Variants in ZSCAN5C observed in about 807,000 individuals in gnomAD.
ZSCAN5C encodes the protein zinc finger and SCAN domain containing 5C.
A neutral mutation model predicts 17.3 loss-of-function variants in ZSCAN5C; 11 were observed. The observed-to-expected ratio is 0.64, with a 90% CI of 0.40 to 1.06. The LOEUF (loss-of-function observed/expected upper bound fraction) is 1.06. Ranked by LOEUF, ZSCAN5C falls within the 50% of genes least tolerant of loss-of-function variation. The pLI, the probability that ZSCAN5C is intolerant of heterozygous loss-of-function variation, is 0.00. For missense variants in ZSCAN5C, 698 were observed against 538.9 expected (o/e 1.30, Z -2.92); for synonymous variants, 229 against 208.4 (o/e 1.10, Z -0.85).
downstream of ZSCAN5C, chr19:56,209,204 CACCA>C: frequency 2.7e-6 from 2 of 741,768 alleles, no homozygotes; most frequent in Non-Finnish European, 2.4e-6. Flanking sequence ...ACAGTGACTT[CACCA>C]TCGGGTCTGT....
At chr19:56,204,245 G>A (rs1039889484) in intron 1 of ZSCAN5C, among the ~76,000 whole-genome samples, 1 of 150,432 alleles carries the variant, frequency 6.6e-6, no homozygotes, top group Non-Finnish European at 1.5e-5. Context: ...GAGCGGGATT[G>A]CCGGCTCATG....
At chr19:56,207,616 G>T (rs1435549827) in intron 3 of ZSCAN5C, among the ~76,000 whole-genome samples, 2 of 151,844 alleles carry the variant, frequency 1.3e-5, no homozygotes, top group African/African-American at 4.9e-5. Context: ...CCTACAGATT[G>T]TCAATTTCTT....
downstream of ZSCAN5C, chr19:56,209,306 G>A (rs575647937): frequency 8.4e-4 from 496 of 591,308 alleles, 8 homozygotes; most frequent in African/African-American, 7.9e-3. Flanking sequence ...GCACGCAGAG[G>A]AGTGCCCTAG....
At chr19:56,205,675 C>T (rs2032912166) in intron 1 of ZSCAN5C, 112 bp from the exon 2 acceptor site, 1 of 498,896 alleles carries the variant, frequency 2.0e-6, no homozygotes, top group Admixed American at 3.4e-5. Flanking sequence ...TTCCACGGTG[C>T]TGAGTCCAAT....
chr19:56,203,128 G>A (rs2032888103), intron 1 of ZSCAN5C, among the ~76,000 whole-genome samples: 3 of 151,782 alleles, frequency 2.0e-5, no homozygotes. Flanking sequence ...TTTAGAGACA[G>A]GCTCTCACTA....
At position 56,208,394 on chromosome 19, in the gene ZSCAN5C, T is replaced by C. The variant is rs1039927262; in HGVS notation, c.740-55T>C. On this transcript the variant is annotated intron_variant, in intron 4 of 4. Coordinates refer to ENST00000534327, the Ensembl canonical transcript of ZSCAN5C. ...ACATCAGTGTTTGGTTGCAATGAGT[T>C]TGGTGTATTGAAAATGCACCTTATT... 4 of 1,088,908 alleles carry C rather than the reference T, an allele frequency of 3.7e-6. No individual in the cohort carries two copies. In the African/African-American group the frequency reaches 6.4e-5, roughly 17 times the overall value. 67.5% of individuals were successfully genotyped at this position (1,088,908 alleles called of 1,614,324 possible).
downstream of ZSCAN5C, chr19:56,209,300 G>T (rs555699278): frequency 5.0e-6 from 3 of 595,544 alleles, no homozygotes; most frequent in Admixed American, 3.1e-5. Flanking sequence ...CGCCTGGCAC[G>T]CAGAGGAGTG....
At position 56,206,301 on chromosome 19, in the gene ZSCAN5C, A is replaced by C. The variant is rs748290656; in HGVS notation, c.384+4A>C. On this transcript the variant is annotated splice_donor_region_variant and intron_variant, in intron 2 of 4. Transcript: ENST00000534327. ...TAACAGAAGACCCAAGAAATGGGTG[A>C]GTGGGACCCTCGTGATTGGTGCAGG... 4.0e-6 allele frequency: 6 copies of C among 1,511,622 alleles called. No individual in the cohort carries two copies. The highest frequency in any genetic ancestry group is 5.3e-6 in the Non-Finnish European group (6 of 1,123,036). 93.6% of individuals were successfully genotyped at this position (1,511,622 alleles called of 1,614,324 possible).
exon 2 of ZSCAN5C, chr19:56,206,131 T>G: frequency 6.2e-7 from 1 of 1,604,068 alleles, no homozygotes; most frequent in South Asian, 1.1e-5. Context: ...CATCTGTGGC[T>G]GAGGCCCGAC....
At chr19:56,204,446 T>C (rs933617838) in intron 1 of ZSCAN5C, among the ~76,000 whole-genome samples, 12 of 151,620 alleles carry the variant, frequency 7.9e-5, no homozygotes, top group African/African-American at 2.7e-4. Context: ...TGGATTTGCA[T>C]GTCCCTGATG....
At chr19:56,207,367 C>T (rs117379843) in intron 3 of ZSCAN5C, 105 bp downstream of exon 3, 11 of 607,036 alleles carry the variant, frequency 1.8e-5, no homozygotes, top group Middle Eastern at 3.5e-4. Flanking sequence ...GACAAGATTA[C>T]AGCCATTCCC....
intron 1 of ZSCAN5C, 68 bp from the exon 2 acceptor site, chr19:56,205,719 A>T (rs2032912555): frequency 1.8e-6 from 1 of 556,826 alleles, no homozygotes; most frequent in East Asian, 2.9e-5. Context: ...GATTGGGATG[A>T]GGGATTTGGA....
chr19:56,207,556 C>T lies in ZSCAN5C; in HGVS notation c.588+294C>T, dbSNP rs544586911. 2.8e-3 allele frequency among the ~76,000 whole-genome samples: 423 copies of T among 151,884 alleles called. 5 individuals carry two copies. The highest frequency in any genetic ancestry group is 0.024 in the Middle Eastern group (7 of 294). ...AATGAACTGAAGGTCCCATCCCCAT[C>T]CAGTTTCCTCAAAGACATTTAATGT... On this transcript the variant is annotated intron_variant, in intron 3 of 4. Coordinates refer to ENST00000534327, the Ensembl canonical transcript of ZSCAN5C.
chr19:56,205,945 T>G (rs1489549860), exon 2 of ZSCAN5C: 2 of 1,327,178 alleles, frequency 1.5e-6, no homozygotes, highest in Non-Finnish European at 2.2e-6. Context: ...TCATGGAGTC[T>G]AGGAGAATCC....
In ZSCAN5C at chr19:56,205,936, C is replaced by T. The variant is rs1350232957; in HGVS notation, c.23C>T (p.Ser8Leu). The T allele has an allele frequency of 7.1e-6, 9 of 1,268,746 alleles. No individual in the cohort carries two copies. The South Asian group carries it at 9.5e-5, about 13-fold the overall frequency. The allele number at this position is 1,268,746 out of a possible 1,614,324, so 78.6% of individuals were successfully genotyped here. ...GACATGGCTGCAAATTGCACATCCTCATGGAGTCTAGGAGAATCCTGCAAC... is the reference window on the plus strand; with the variant it reads ...GACATGGCTGCAAATTGCACATCCTTATGGAGTCTAGGAGAATCCTGCAAC... Residue 8 changes from serine to leucine, a missense_variant, in exon 2 of 5, where the codon TCA becomes TTA. Transcript: ENST00000534327.
rs2032942214 is a variant in ZSCAN5C, at chr19:56,207,960, A to T, written c.589-74A>T. ...TGTCATTAGAAGAGTTGGTGCATCC[A>T]GTCAGGAAAAAGCAGACATGTCCTT... On this transcript the variant is annotated intron_variant, in intron 3 of 4. Transcript: ENST00000534327. 4.6e-6 allele frequency: 3 copies of T among 656,366 alleles called. 1 individual carries two copies. The highest frequency in any genetic ancestry group is 8.3e-6 in the Non-Finnish European group (3 of 363,188). The allele number at this position is 656,366 out of a possible 1,614,324, so 40.7% of individuals were successfully genotyped here. A position where few individuals can be genotyped will look rare whatever the true frequency, so the allele number is the denominator to read the frequency against.
In ZSCAN5C at chr19:56,206,184, C is replaced by G. The variant is rs781349754; in HGVS notation, c.271C>G (p.Gln91Glu). The G allele has an allele frequency of 1.9e-5, 31 of 1,595,278 alleles. No individual in the cohort carries two copies. The Admixed American group carries it at 3.7e-4, about 19-fold the overall frequency. Residue 91 changes from glutamine (Q) to glutamate (E), a missense_variant, in exon 2 of 5, where the codon CAG becomes GAG. Physicochemically the swap from Gln to Glu is conservative, Grantham distance 29. Coordinates refer to ENST00000534327, the Ensembl canonical transcript of ZSCAN5C. ...GATCCTGGACATGCTGGTGATGGAG[C>G]AGTTCATGATCTCCATGCCCCAGGA... is the stretch of plus-strand genomic sequence containing the variant.
chr19:56,205,938 T>G (rs756753221), exon 2 of ZSCAN5C: 1 of 1,276,004 alleles, frequency 7.8e-7, no homozygotes. Flanking sequence ...CACATCCTCA[T>G]GGAGTCTAGG....
chr19:56,208,699 C>A (rs746470341), exon 5 of ZSCAN5C: 26 of 1,612,574 alleles, frequency 1.6e-5, no homozygotes, highest in East Asian at 2.2e-5. Context: ...AAGCTGAGAT[C>A]AATCCAGTTC....
Sources: allele counts gnomAD v4.1 joint callset (sites outside exome capture counted in the v4.1 genomes callset), GRCh38; gene constraint gnomAD v4.1.1; transcripts MANE v1.5; gene names NCBI Gene and HGNC (gene_info 2026-07-23, HGNC 2026-07-21).